Variants in FANCA observed in about 807,000 individuals in gnomAD.
FANCA encodes FA complementation group A, also known as Fanconi anemia group A protein.
A neutral mutation model predicts 194.3 loss-of-function variants in FANCA; 236 were observed. The ratio of observed to expected loss-of-function variants is 1.21; its 90% CI spans 1.09 to 1.35. The LOEUF (loss-of-function observed/expected upper bound fraction) is 1.35, where lower values mean the gene tolerates loss of function less well. Ranked by LOEUF, FANCA falls within the 40% of genes most tolerant of loss-of-function variation. FANCA has a pLI of 0.00. For synonymous variants in FANCA, 1,014 were observed against 715.8 expected (o/e 1.42, Z -6.65); for missense variants, 2,628 against 1,813.9 (o/e 1.45, Z -8.15).
intron 35 of FANCA, among the ~76,000 whole-genome samples, chr16:89,745,901 A>C (rs1419584517): frequency 1.3e-5 from 2 of 152,248 alleles, no homozygotes; most frequent in Non-Finnish European, 2.9e-5. Context: ...CGAAGAGTTC[A>C]TTTCTCACGA....
rs200656171 is a variant in FANCA, at chr16:89,746,564, A to G, written c.3513+20T>C. The G allele has an allele frequency of 6.2e-7, 1 of 1,608,168 alleles. No homozygotes were observed. Among genetic ancestry groups the G allele is most frequent in the African/African-American group, 1.3e-5 (1 of 74,940 alleles). On this transcript the variant is annotated intron_variant, in intron 35 of 42. Coordinates refer to ENST00000389301, the MANE Select transcript of FANCA (RefSeq NM_000135.4). ...CCACTCATCCCCAAAACAAAACACC[A>G]AACAAGACAGCTGACCCACCAGAGC...
chr16:89,799,207 T>TC lies in FANCA; in HGVS notation c.851dup (p.Val285SerfsTer54), dbSNP rs1369685302. 3 of 1,614,052 alleles carry TC rather than the reference T, an allele frequency of 1.9e-6. No homozygotes were observed. The highest frequency in any genetic ancestry group is 1.7e-6 in the Non-Finnish European group (2 of 1,180,002). On this transcript the variant is annotated frameshift_variant, in exon 10 of 43. Transcript: ENST00000389301. LOFTEE classifies it high-confidence loss of function. ...TGTGAGTGGAGGACTCCTCCTGTAC[T>TC]CCAGCAGCCAAAGCGTCAAGTGCAA...
At position 89,771,822 on chromosome 16, in the gene FANCA, G is replaced by A. The variant is rs747546976; in HGVS notation, c.2015-8C>T. On this transcript the variant is annotated splice_region_variant and splice_polypyrimidine_tract_variant and intron_variant, in intron 22 of 42. Coordinates refer to ENST00000389301, the MANE Select transcript of FANCA (RefSeq NM_000135.4). ...CCACCTGTGCCGATATAACTGCGAAGGAAGAAACTAGTTAGGGATGACAAG... is the reference window on the plus strand; with the variant it reads ...CCACCTGTGCCGATATAACTGCGAAAGAAGAAACTAGTTAGGGATGACAAG... 19 of 1,613,458 alleles carry A rather than the reference G, an allele frequency of 1.2e-5. No individual in the cohort carries two copies. The highest frequency in any genetic ancestry group is 1.4e-5 in the Non-Finnish European group (16 of 1,180,032).
At chr16:89,803,182 G>C in intron 8 of FANCA, 77 bp downstream of exon 8, 3 of 1,333,350 alleles carry the variant, frequency 2.2e-6, no homozygotes, top group Non-Finnish European at 3.2e-6. Context: ...TCAATAGAGA[G>C]ACACGTAAAT....
chr16:89,781,368 A>AC (rs1375539350), intron 17 of FANCA, among the ~76,000 whole-genome samples: 17 of 145,004 alleles, frequency 1.2e-4, no homozygotes, highest in Non-Finnish European at 2.2e-4. Flanking sequence ...CATTCCAAAA[A>AC]AAAAAAAAAA....
At chr16:89,748,840 C>T in intron 32 of FANCA, 73 bp from the exon 33 acceptor site, 1 of 1,283,682 alleles carries the variant, frequency 7.8e-7, no homozygotes, top group South Asian at 1.2e-5. Flanking sequence ...CTCAGACTCT[C>T]AGAGCAGCAA....
chr16:89,793,728 G>A (rs951411829), intron 11 of FANCA, among the ~76,000 whole-genome samples: 1 of 151,878 alleles, frequency 6.6e-6, no homozygotes, highest in African/African-American at 2.4e-5. Flanking sequence ...CCACAGGCGT[G>A]TGCCACCATA....
rs562815235 is a variant in FANCA, at chr16:89,815,335, CTTTTTTTTTTTTTTT to C, written c.189+527_189+541del. ...TACAGGCGTGAGCCACCACGCCCGG[CTTTTTTTTTTTTTTT>C]TTTTTTTTTTTTTTTTGTGAGACAG... On this transcript the variant is annotated intron_variant, in intron 2 of 42. Transcript: ENST00000389301. Among the ~76,000 whole-genome samples the C allele has an allele frequency of 4.8e-4, 32 of 66,538 alleles. 1 individual carries two copies. The highest frequency in any genetic ancestry group is 1.6e-3 in the East Asian group (3 of 1,856). The allele number at this position is 66,538 out of a possible 152,430, so 43.7% of individuals were successfully genotyped here. A position where few individuals can be genotyped will look rare whatever the true frequency, so the allele number is the denominator to read the frequency against.
intron 30 of FANCA, among the ~76,000 whole-genome samples, chr16:89,752,884 G>A (rs1202118885): frequency 6.6e-6 from 1 of 152,122 alleles, no homozygotes; most frequent in African/African-American, 2.4e-5. Flanking sequence ...GGGAAAGGGA[G>A]TCTCCCTTTC....
chr16:89,781,566 C>A (rs556132460), intron 17 of FANCA, among the ~76,000 whole-genome samples: 1 of 149,158 alleles, frequency 6.7e-6, no homozygotes, highest in Admixed American at 6.8e-5. Flanking sequence ...GTCTGAGCTA[C>A]TGGAGAGGCT....
chr16:89,770,252 G>A lies in FANCA; in HGVS notation c.2230C>T (p.Pro744Ser), dbSNP rs1475950375. 1.3e-6 allele frequency: 2 copies of A among 1,575,714 alleles called. No individual in the cohort carries two copies. The highest frequency in any genetic ancestry group is 1.3e-5 in the African/African-American group (1 of 74,476). Residue 744 changes from proline to serine, a missense_variant, in exon 25 of 43, where the codon CCC (proline) becomes TCC (serine). Physicochemically the swap from Pro to Ser is moderately conservative, Grantham distance 74. Transcript: ENST00000389301. ...GTCCTCACGAAGAGGGCAGCCCAGG[G>A]ACCCTGCCTGCAGAGACAGCCGTGA... is the stretch of plus-strand genomic sequence containing the variant. The part of the protein sequence containing the change: ...SSVAPPERQG[P>S]WAALFVRTMC...
chr16:89,791,335 G>A (rs944248435), intron 14 of FANCA, 68 bp downstream of exon 14: 12 of 1,567,314 alleles, frequency 7.7e-6, no homozygotes, highest in African/African-American at 2.7e-5. Flanking sequence ...GGTGGGGACA[G>A]CATGGTCCCC....
rs766422868 is a variant in FANCA at position 89,775,760 on chromosome 16, C to T, written c.1882G>A (p.Ala628Thr). ...YSTYCQACSA[A>T]EEKPEDAALG... is the part of the protein sequence containing the mutation. Reference sequence around the variant, plus strand: ...AACTTACCTTCTGGCTTCTCTTCAGCAGCAGAGCAGGCCTGGCAGTAGGTG... The same window carrying T: ...AACTTACCTTCTGGCTTCTCTTCAGTAGCAGAGCAGGCCTGGCAGTAGGTG... Residue 628 changes from alanine (A) to threonine (T), a missense_variant, in exon 21 of 43, where the codon GCT (alanine) becomes ACT (threonine). Transcript: ENST00000389301. The T allele has an allele frequency of 1.2e-6, 2 of 1,612,530 alleles. No homozygotes were observed. Among genetic ancestry groups the T allele is most frequent in the Non-Finnish European group, 1.7e-6 (2 of 1,179,262 alleles).
intron 21 of FANCA, among the ~76,000 whole-genome samples, chr16:89,774,136 G>C (rs1358825327): frequency 6.6e-6 from 1 of 152,128 alleles, no homozygotes; most frequent in Non-Finnish European, 1.5e-5. Context: ...TCAAGTTCTG[G>C]GGTTGCTGGA....
intron 28 of FANCA, among the ~76,000 whole-genome samples, chr16:89,763,118 G>T (rs1052260767): frequency 6.6e-6 from 1 of 150,870 alleles, no homozygotes; most frequent in Non-Finnish European, 1.5e-5. Flanking sequence ...GCGGTGGCGT[G>T]CACCTGTGGT....
intron 41 of FANCA, 26 bp from the exon 42 acceptor site, chr16:89,739,000 A>T: frequency 6.2e-7 from 1 of 1,614,180 alleles, no homozygotes; most frequent in Non-Finnish European, 8.5e-7. Flanking sequence ...GCAAACTCAC[A>T]GGTTAGAAGA....
At chr16:89,780,050 T>C (rs1359826272) in intron 17 of FANCA, 93 bp from the exon 18 acceptor site, 15 of 1,147,144 alleles carry the variant, frequency 1.3e-5, no homozygotes, top group Non-Finnish European at 1.6e-5. Context: ...TGCTTCCTTG[T>C]TGAAAGGCTC....
chr16:89,768,252 C>G (rs1286054983), intron 26 of FANCA, among the ~76,000 whole-genome samples: 1 of 152,166 alleles, frequency 6.6e-6, no homozygotes, highest in African/African-American at 2.4e-5. Context: ...ATACCTACAG[C>G]AATACCCATG....
intron 18 of FANCA, among the ~76,000 whole-genome samples, chr16:89,779,289 G>C (rs1356600174): frequency 6.6e-6 from 1 of 152,112 alleles, no homozygotes; most frequent in Admixed American, 6.6e-5. Flanking sequence ...AGGTCCATTT[G>C]GGGCAATTTC....
Sources: gnomAD v4.1 joint callset for allele counts (sites outside exome capture counted in the v4.1 genomes callset) on GRCh38, gnomAD v4.1.1 for gene constraint, MANE v1.5 for transcripts, NCBI Gene and HGNC (gene_info 2026-07-23, HGNC 2026-07-21) for gene names.